Variants in TAF5L observed in about 807,000 individuals in gnomAD.
TAF5L encodes TATA-box binding protein associated factor 5 like.
TAF5L carries 7 observed loss-of-function variants against 51.3 expected under a neutral mutation model. The observed-to-expected ratio is 0.14, with a 90% CI of 0.08 to 0.26. The LOEUF (loss-of-function observed/expected upper bound fraction) is 0.26, where lower values mean the gene tolerates loss of function less well. Among genes scored for constraint, TAF5L ranks in the 10% least tolerant of loss-of-function variants. TAF5L has a pLI of 1.00. For synonymous variants in TAF5L, 291 were observed against 308.1 expected, an observed-to-expected ratio of 0.94 and a Z score of 0.58; for missense variants, 575 against 758.9, an observed-to-expected ratio of 0.76 and a Z score of 2.85.
At position 229,594,276 on chromosome 1, in the gene TAF5L, C is replaced by T. The variant is rs369597755; in HGVS notation, c.*21G>A. 65 of 1,590,700 alleles carry T rather than the reference C, an allele frequency of 4.1e-5. 1 individual carries two copies. The highest frequency in any genetic ancestry group is 5.2e-5 in the Non-Finnish European group (61 of 1,166,834). ...GAGGCTTTCCACTGTTACCCCAGTCCGTTCCAACAAAGTTAAAAAATTAAT... is the reference window on the plus strand; with the variant it reads ...GAGGCTTTCCACTGTTACCCCAGTCTGTTCCAACAAAGTTAAAAAATTAAT... On this transcript the variant is annotated 3_prime_UTR_variant, in exon 5 of 5. Transcript: ENST00000258281. The surrounding 1 kb of genome is among the most constrained non-coding windows in gnomAD (Gnocchi z 7.9).
chr1:229,595,686 A>G (rs931067877), intron 4 of TAF5L, among the ~76,000 whole-genome samples: 2 of 151,838 alleles, frequency 1.3e-5, no homozygotes, highest in Non-Finnish European at 2.9e-5. Context: ...TTTTTTTCAG[A>G]TGGAGTTTCG....
chr1:229,594,942 G>A lies in TAF5L; in HGVS notation c.1125C>T (p.Thr375=). ...CATGTCCTTGGTACAACACAGTGTT[G>A]GTGAAACTCCCCAGATCCCAGTATC... is the stretch of plus-strand genomic sequence containing the variant. Residue 375 remains threonine (T), a synonymous_variant, in exon 5 of 5, where the codon ACC becomes ACT. Coordinates refer to ENST00000258281, the Ensembl canonical transcript of TAF5L. The surrounding 1 kb of genome is among the most constrained non-coding windows in gnomAD (Gnocchi z 7.9). 6.2e-7 allele frequency: 1 copy of A among 1,614,176 alleles called. No individual in the cohort carries two copies. Among genetic ancestry groups the A allele is most frequent in the East Asian group, 2.2e-5 (1 of 44,892 alleles).
intron 1 of TAF5L, among the ~76,000 whole-genome samples, chr1:229,617,764 C>T (rs929626009): frequency 5.9e-5 from 9 of 152,192 alleles, no homozygotes; most frequent in African/African-American, 2.2e-4. Flanking sequence ...ATAGTCAACA[C>T]TGACCATATT....
In TAF5L at chr1:229,625,590, G is replaced by A. The variant is rs1665419374; in HGVS notation, c.-4+295C>T. ...CCCCGAGCCCGGCATCCAACCCGCA[G>A]GACCCACCCCTGCGCAGGAACGCGA... On this transcript the variant is annotated intron_variant, in intron 1 of 4. Coordinates refer to ENST00000258281, the Ensembl canonical transcript of TAF5L. This position sits in a 1 kb window ranked among gnomAD's most constrained non-coding sequence, Gnocchi z 4.0. Among the ~76,000 whole-genome samples the A allele has an allele frequency of 6.6e-6, 1 of 151,826 alleles. No homozygotes were observed. The highest frequency in any genetic ancestry group is 2.4e-5 in the African/African-American group (1 of 41,396).
At chr1:229,623,991 TC>T (rs2102769889) in intron 1 of TAF5L, among the ~76,000 whole-genome samples, 1 of 152,308 alleles carries the variant, frequency 6.6e-6, no homozygotes, top group Non-Finnish European at 1.5e-5. Context: ...AAGCCACCAG[TC>T]ACATACAAGA....
At chr1:229,614,583 G>GA in intron 1 of TAF5L, 98 bp from the exon 2 acceptor site, 1 of 1,491,730 alleles carries the variant, frequency 6.7e-7, no homozygotes, top group South Asian at 1.3e-5. Flanking sequence ...ACATGGGAGA[G>GA]AAAGACCAGC....
rs1334618266 is a variant in TAF5L, at chr1:229,618,786, C to T, written c.-3-4301G>A. 3.3e-5 allele frequency among the ~76,000 whole-genome samples: 5 copies of T among 152,142 alleles called. 1 individual carries two copies. Among genetic ancestry groups the T allele is most frequent in the Middle Eastern group, 6.8e-3 (2 of 294 alleles). On this transcript the variant is annotated intron_variant, in intron 1 of 4. Transcript: ENST00000258281. ...CCCGTTAGGCTCTAATGTACACGGT[C>T]GGTAGAGGAGGGCTGGGAGGCACCC... is the stretch of plus-strand genomic sequence containing the variant.
At chr1:229,606,523 G>T in intron 3 of TAF5L, 1 of 985,308 alleles carries the variant, frequency 1.0e-6, no homozygotes, top group Non-Finnish European at 1.2e-6. Context: ...AACTAATCCT[G>T]TCGGTCCTCA....
intron 2 of TAF5L, 51 bp from the exon 3 acceptor site, chr1:229,610,261 T>C (rs764018129): frequency 1.3e-6 from 2 of 1,563,114 alleles, no homozygotes; most frequent in Non-Finnish European, 1.8e-6. Flanking sequence ...GAGACGATTA[T>C]TAACCCAGTA....
chr1:229,599,217 G>A, intron 4 of TAF5L: 1 of 920,476 alleles, frequency 1.1e-6, no homozygotes, highest in Non-Finnish European at 1.3e-6. Context: ...GTTTTATTTG[G>A]CATAATTAAC....
intron 4 of TAF5L, among the ~76,000 whole-genome samples, chr1:229,597,027 T>G (rs1664150005): frequency 6.6e-6 from 1 of 152,236 alleles, no homozygotes; most frequent in Non-Finnish European, 1.5e-5. Flanking sequence ...ACATTAAGTA[T>G]TTGGGAGCTT....
intron 1 of TAF5L, among the ~76,000 whole-genome samples, chr1:229,617,946 G>A (rs1665067542): frequency 6.6e-6 from 1 of 152,128 alleles, no homozygotes; most frequent in Non-Finnish European, 1.5e-5. Flanking sequence ...AGGAATTCTG[G>A]CAATGACTCT....
intron 1 of TAF5L, among the ~76,000 whole-genome samples, chr1:229,621,783 T>C (rs1354789508): frequency 2.6e-5 from 4 of 152,242 alleles, no homozygotes; most frequent in Non-Finnish European, 5.9e-5. Context: ...TAAGGCAATA[T>C]ATTAATTCAC....
intron 4 of TAF5L, chr1:229,601,748 G>A: frequency 4.9e-6 from 5 of 1,012,998 alleles, no homozygotes; most frequent in Non-Finnish European, 5.9e-6. Context: ...TACTGTTGCT[G>A]AGACTGTGAA....
At chr1:229,615,482 A>G (rs967131719) in intron 1 of TAF5L, among the ~76,000 whole-genome samples, 2 of 152,224 alleles carry the variant, frequency 1.3e-5, no homozygotes, top group African/African-American at 4.8e-5. Flanking sequence ...GAGGGTATGT[A>G]TATGTGTTAG....
intron 1 of TAF5L, among the ~76,000 whole-genome samples, chr1:229,624,416 A>T (rs981079505): frequency 5.3e-5 from 8 of 152,336 alleles, no homozygotes; most frequent in Non-Finnish European, 8.8e-5. Flanking sequence ...TAACGCAAAA[A>T]CTTAGGACTA....
At chr1:229,619,898 T>C (rs1665142990) in intron 1 of TAF5L, among the ~76,000 whole-genome samples, 1 of 152,164 alleles carries the variant, frequency 6.6e-6, no homozygotes, top group African/African-American at 2.4e-5. Flanking sequence ...CACACCACCA[T>C]GCAAGACTTA....
intron 1 of TAF5L, among the ~76,000 whole-genome samples, chr1:229,624,036 T>C (rs1331640039): frequency 6.6e-6 from 1 of 152,244 alleles, no homozygotes; most frequent in Non-Finnish European, 1.5e-5. Context: ...TACTGTCCAC[T>C]GAGTAATACT....
intron 1 of TAF5L, among the ~76,000 whole-genome samples, chr1:229,616,755 C>T (rs72751759): frequency 0.013 from 1,997 of 152,184 alleles, 18 homozygotes; most frequent in Non-Finnish European, 0.017. Context: ...ACTGTGAAGG[C>T]TAGAGACATA....
Sources: allele counts gnomAD v4.1 joint callset (sites outside exome capture counted in the v4.1 genomes callset), GRCh38; gene constraint gnomAD v4.1.1; non-coding constraint Gnocchi (gnomAD v3.1); transcripts MANE v1.5; gene names NCBI Gene and HGNC (gene_info 2026-07-23, HGNC 2026-07-21).